RAB23: variants seen among roughly 807,000 people sequenced by gnomAD.
RAB23 encodes the protein RAB23, member RAS oncogene family.
Under a neutral mutation model 30.0 loss-of-function variants are expected in RAB23, and 15 were observed. That is an observed-to-expected ratio of 0.50 (90% CI 0.33 to 0.77). The LOEUF is 0.77. RAB23 is among the 30% of genes least tolerant of loss of function. RAB23 has a pLI of 0.02. For missense variants in RAB23, 243 were observed against 275.4 expected (o/e 0.88, Z 0.83); for synonymous variants, 93 against 94.0 (o/e 0.99, Z 0.06).
intron 3 of RAB23, among the ~76,000 whole-genome samples, chr6:57,197,356 CTAAAA>C (rs1765064280): frequency 6.6e-6 from 1 of 152,010 alleles, no homozygotes; most frequent in Admixed American, 6.6e-5. Flanking sequence ...ATATCAAAGA[CTAAAA>C]TAAGCAGAAA....
chr6:57,195,791 C>T (rs1765002487), intron 4 of RAB23, among the ~76,000 whole-genome samples: 1 of 152,182 alleles, frequency 6.6e-6, no homozygotes, highest in South Asian at 2.1e-4. Flanking sequence ...GAAAAACCAC[C>T]AGCTAAGCCA....
Position 57,190,679 on chromosome 6 carries a change from A to C in RAB23, c.575-79T>G. On this transcript the variant is annotated intron_variant, in intron 6 of 6. Coordinates refer to ENST00000468148, the MANE Select transcript of RAB23 (RefSeq NM_016277.5). ...TTGCATCCAGCTTGTTAGTAAAATCAGTAATATTTTCAAGTATTTACAGTT... is the reference window on the plus strand; with the variant it reads ...TTGCATCCAGCTTGTTAGTAAAATCCGTAATATTTTCAAGTATTTACAGTT... The C allele has an allele frequency of 5.9e-6, 9 of 1,520,186 alleles. No homozygotes were observed. In the South Asian group the frequency reaches 1.0e-4, roughly 17 times the overall value. The allele number at this position is 1,520,186 out of a possible 1,614,324, so 94.2% of individuals were successfully genotyped here.
intron 3 of RAB23, among the ~76,000 whole-genome samples, chr6:57,204,846 AAC>A (rs1164347419): frequency 6.6e-6 from 1 of 152,060 alleles, no homozygotes; most frequent in South Asian, 2.1e-4. Context: ...AATCTAGAGA[AAC>A]AGTCATGGGG....
intron 3 of RAB23, among the ~76,000 whole-genome samples, chr6:57,203,000 G>GTTTTTTTTTTTT (rs1170559704): frequency 2.4e-5 from 2 of 82,598 alleles, no homozygotes; most frequent in African/African-American, 4.7e-5. Flanking sequence ...AAGATAGGCT[G>GTTTTTTTTTTTT]TTTTTTTTTT....
At position 57,210,387 on chromosome 6, in the gene RAB23, A is replaced by G. The variant is rs771652499; in HGVS notation, c.-7T>C. The stretch of plus-strand genomic sequence containing the variant: ...CCATATCTTCCTCCAACATTTTTGG[A>G]GCTGAAATGGTTTCTGTACCAACTC... On this transcript the variant is annotated 5_prime_UTR_variant, in exon 2 of 7. Coordinates refer to ENST00000468148, the MANE Select transcript of RAB23 (RefSeq NM_016277.5). 1.2e-6 allele frequency: 2 copies of G among 1,613,800 alleles called. No homozygotes were observed. The highest frequency in any genetic ancestry group is 1.7e-6 in the Non-Finnish European group (2 of 1,179,836).
At chr6:57,221,399 C>T (rs969106236) in intron 1 of RAB23, 1 of 152,258 alleles carries the variant, frequency 6.6e-6, no homozygotes, top group African/African-American at 2.4e-5. Flanking sequence ...TCTGTAGCAA[C>T]CAGTGTCAAT....
chr6:57,197,502 T>C (rs1422167145), intron 3 of RAB23, among the ~76,000 whole-genome samples: 1 of 152,172 alleles, frequency 6.6e-6, no homozygotes, highest in East Asian at 1.9e-4. Context: ...CAAGGCATGT[T>C]TTCTTACCAT....
intron 1 of RAB23, among the ~76,000 whole-genome samples, chr6:57,217,492 A>G (rs1366379299): frequency 6.6e-6 from 1 of 152,132 alleles, no homozygotes; most frequent in Non-Finnish European, 1.5e-5. Flanking sequence ...TATTTTTAGT[A>G]GAGACAGGAC....
intron 6 of RAB23, 108 bp downstream of exon 6, chr6:57,193,734 A>T (rs1017756264): frequency 1.4e-6 from 2 of 1,423,058 alleles, no homozygotes; most frequent in African/African-American, 1.4e-5. Flanking sequence ...CACTGACTTA[A>T]TAGTTTAATA....
intron 1 of RAB23, among the ~76,000 whole-genome samples, chr6:57,219,544 G>C (rs1455383575): frequency 6.6e-6 from 1 of 152,096 alleles, no homozygotes; most frequent in Non-Finnish European, 1.5e-5. Flanking sequence ...TAAAACTGGA[G>C]GAAATTATAC....
chr6:57,196,364 C>T, intron 4 of RAB23, 86 bp downstream of exon 4: 2 of 1,510,442 alleles, frequency 1.3e-6, no homozygotes, highest in South Asian at 2.3e-5. Flanking sequence ...AGAATTTTTC[C>T]TAGAACCTGT....
At chr6:57,211,288 T>TA (rs1160159915) in intron 1 of RAB23, among the ~76,000 whole-genome samples, 4 of 151,382 alleles carry the variant, frequency 2.6e-5, no homozygotes, top group African/African-American at 4.9e-5. Context: ...CAGTTGCCAC[T>TA]AAAAAAAATA....
rs778655052 is a variant in RAB23, at chr6:57,194,858, C to T, written c.399-6G>A. 8 of 1,609,216 alleles carry T rather than the reference C, an allele frequency of 5.0e-6. No individual in the cohort carries two copies. The highest frequency in any genetic ancestry group is 4.5e-5 in the East Asian group (2 of 44,746). On this transcript the variant is annotated splice_region_variant and splice_polypyrimidine_tract_variant and intron_variant, in intron 4 of 6. Coordinates refer to ENST00000468148, the MANE Select transcript of RAB23 (RefSeq NM_016277.5). Reference sequence around the variant, plus strand: ...CCAGTGCCTCAGCTTCCTCACTGCACATCAATTTAAAAAAAAATGCTTTAC... The same window carrying T: ...CCAGTGCCTCAGCTTCCTCACTGCATATCAATTTAAAAAAAAATGCTTTAC...
At chr6:57,196,117 G>A (rs1295661945) in intron 4 of RAB23, among the ~76,000 whole-genome samples, 1 of 151,910 alleles carries the variant, frequency 6.6e-6, no homozygotes, top group Non-Finnish European at 1.5e-5. Context: ...CAAAATCTAG[G>A]GATGCTTTTC....
At position 57,196,485 on chromosome 6, in the gene RAB23, G is replaced by GT; in HGVS notation, c.362dup (p.Asn121LysfsTer4). On this transcript the variant is annotated frameshift_variant, in exon 4 of 7. Transcript: ENST00000468148. LOFTEE classifies it high-confidence loss of function. ...AAGAATCATCCAGAAGATCAATCTT[G>GT]TTTTGCACAAGTACAGTTGGTATAT... The GT allele has an allele frequency of 6.2e-7, 1 of 1,613,946 alleles. No homozygotes were observed. Among genetic ancestry groups the GT allele is most frequent in the Non-Finnish European group, 8.5e-7 (1 of 1,179,934 alleles).
chr6:57,206,543 T>C (rs1254631366), intron 3 of RAB23, among the ~76,000 whole-genome samples: 3 of 151,980 alleles, frequency 2.0e-5, no homozygotes, highest in Non-Finnish European at 4.4e-5. Context: ...ATAAAGGAAG[T>C]TGATGGACCA....
chr6:57,207,991 C>T (rs962742370), intron 2 of RAB23, among the ~76,000 whole-genome samples: 1 of 152,186 alleles, frequency 6.6e-6, no homozygotes, highest in African/African-American at 2.4e-5. Flanking sequence ...TGCTCCTCAA[C>T]TTACGATGGG....
intron 3 of RAB23, among the ~76,000 whole-genome samples, chr6:57,201,525 C>T (rs1254117422): frequency 6.6e-6 from 1 of 152,196 alleles, no homozygotes; most frequent in Non-Finnish European, 1.5e-5. Flanking sequence ...CTGCTCTTAG[C>T]TCATATTTGT....
Position 57,188,698 on chromosome 6 carries a change from G to GACA in RAB23, c.*1760_*1762dup, listed in dbSNP as rs1185513090. Reference sequence around the variant, plus strand: ...TGTCACTATCAGCAATGGGAGTGGTGACAACTGGTGACATAAAAATAAGCA... The same window carrying GACA: ...TGTCACTATCAGCAATGGGAGTGGTGACAACAACTGGTGACATAAAAATAAGCA... On this transcript the variant is annotated 3_prime_UTR_variant, in exon 7 of 7. Coordinates refer to ENST00000468148, the MANE Select transcript of RAB23 (RefSeq NM_016277.5). 7.9e-5 allele frequency: 12 copies of GACA among 152,150 alleles called. No homozygotes were observed. Among genetic ancestry groups the GACA allele is most frequent in the Admixed American group, 7.9e-4 (12 of 15,264 alleles). 9.4% of individuals were successfully genotyped at this position (152,150 alleles called of 1,614,324 possible). A position where few individuals can be genotyped will look rare whatever the true frequency, so the allele number is the denominator to read the frequency against.
Sources: allele counts gnomAD v4.1 joint callset (sites outside exome capture counted in the v4.1 genomes callset), GRCh38; gene constraint gnomAD v4.1.1; transcripts MANE v1.5; gene names NCBI Gene and HGNC (gene_info 2026-07-23, HGNC 2026-07-21).